ACER3: variants seen among roughly 807,000 people sequenced by gnomAD.
The protein encoded by ACER3 is alkCDase 3.
In ACER3, 16 loss-of-function variants were observed where a neutral mutation model predicts 48.9. The ratio of observed to expected loss-of-function variants is 0.33; its 90% CI spans 0.22 to 0.50. The LOEUF is 0.50. ACER3 is among the 20% of genes least tolerant of loss of function. The pLI is 0.98. For missense variants in ACER3, 227 were observed against 326.0 expected, an observed-to-expected ratio of 0.70 and a Z score of 2.34; for synonymous variants, 109 against 107.8, an observed-to-expected ratio of 1.01 and a Z score of -0.07.
intron 1 of ACER3, among the ~76,000 whole-genome samples, chr11:76,873,054 A>C (rs1460097229): frequency 6.7e-6 from 1 of 150,338 alleles, no homozygotes; most frequent in African/African-American, 2.4e-5. Context: ...TAGCACTACA[A>C]GTGTCTGCCA....
chr11:76,944,330 A>G (rs1947423178), intron 2 of ACER3, among the ~76,000 whole-genome samples: 2 of 151,916 alleles, frequency 1.3e-5, no homozygotes, highest in African/African-American at 4.8e-5. Flanking sequence ...TGTTTTCAGG[A>G]TGGTGGTTAT....
At chr11:76,887,811 CTTT>C (rs67954212) in intron 1 of ACER3, among the ~76,000 whole-genome samples, 86 of 87,190 alleles carry the variant, frequency 9.9e-4, no homozygotes, top group South Asian at 1.7e-3. Context: ...CTATAGGTAA[CTTT>C]TTTTTTTTTT....
At chr11:76,960,601 T>A (rs1176435894) in intron 3 of ACER3, among the ~76,000 whole-genome samples, 1 of 152,164 alleles carries the variant, frequency 6.6e-6, no homozygotes, top group Non-Finnish European at 1.5e-5. Context: ...CATTGGAGTG[T>A]CAAAACCTGA....
chr11:76,932,388 T>C (rs1947029789), intron 2 of ACER3, among the ~76,000 whole-genome samples: 1 of 152,238 alleles, frequency 6.6e-6, no homozygotes, highest in South Asian at 2.1e-4. Context: ...TACCTTAGAT[T>C]ATTTATTAGA....
intron 1 of ACER3, among the ~76,000 whole-genome samples, chr11:76,869,741 A>G (rs1175609889): frequency 6.6e-6 from 1 of 152,188 alleles, no homozygotes; most frequent in Non-Finnish European, 1.5e-5. Context: ...ACCATACAGT[A>G]CTTGTCTTTT....
chr11:76,936,641 C>G (rs1483776998), intron 2 of ACER3, among the ~76,000 whole-genome samples: 1 of 151,198 alleles, frequency 6.6e-6, no homozygotes, highest in African/African-American at 2.4e-5. Context: ...AACTCAAAAG[C>G]AAAAGGCCAC....
intron 1 of ACER3, among the ~76,000 whole-genome samples, chr11:76,910,740 A>G (rs1331788897): frequency 1.3e-5 from 2 of 152,216 alleles, no homozygotes; most frequent in African/African-American, 4.8e-5. Context: ...TATATTGTTC[A>G]ATGTTACTGA....
At chr11:76,920,322 G>A (rs969332622) in intron 1 of ACER3, among the ~76,000 whole-genome samples, 3 of 152,172 alleles carry the variant, frequency 2.0e-5, no homozygotes, top group South Asian at 2.1e-4. Context: ...GCACCCTAGA[G>A]GGCAGAGTTC....
At chr11:76,941,039 A>ACG (rs56207128) in intron 2 of ACER3, among the ~76,000 whole-genome samples, 2 of 136,838 alleles carry the variant, frequency 1.5e-5, no homozygotes, top group Non-Finnish European at 3.0e-5. Flanking sequence ...ACACACACAC[A>ACG]CGCACACACA....
chr11:76,880,661 G>A (rs189500570), intron 1 of ACER3, among the ~76,000 whole-genome samples: 3 of 152,258 alleles, frequency 2.0e-5, no homozygotes, highest in East Asian at 3.9e-4. Flanking sequence ...CTGAAATGGG[G>A]GTCTTGTGAT....
chr11:76,910,179 CG>C (rs1270805499), intron 1 of ACER3, among the ~76,000 whole-genome samples: 3 of 151,760 alleles, frequency 2.0e-5, no homozygotes, highest in Non-Finnish European at 4.4e-5. Context: ...TGTAGATGAC[CG>C]GTTGATAGGT....
intron 1 of ACER3, among the ~76,000 whole-genome samples, chr11:76,871,827 A>T (rs1012922581): frequency 6.6e-6 from 1 of 152,144 alleles, no homozygotes; most frequent in African/African-American, 2.4e-5. Flanking sequence ...CAAAAAATAT[A>T]TTTTGGGTAA....
chr11:76,909,325 G>A (rs1347084453), intron 1 of ACER3, among the ~76,000 whole-genome samples: 1 of 152,104 alleles, frequency 6.6e-6, no homozygotes, highest in East Asian at 1.9e-4. Flanking sequence ...TATCATCAGA[G>A]TGAACAGGCA....
intron 1 of ACER3, among the ~76,000 whole-genome samples, chr11:76,921,381 G>A (rs1391948852): frequency 6.6e-6 from 1 of 152,126 alleles, no homozygotes; most frequent in Non-Finnish European, 1.5e-5. Context: ...CTCCCATCTG[G>A]AATTTATTTT....
chr11:76,919,459 G>A (rs10899313), intron 1 of ACER3, among the ~76,000 whole-genome samples: 89,766 of 151,990 alleles, frequency 0.59, 28,858 homozygotes, highest in Non-Finnish European at 0.74. Flanking sequence ...TTACTGTAAC[G>A]TCAGTCTTGC....
chr11:76,974,452 A>G (rs895322453), intron 3 of ACER3, among the ~76,000 whole-genome samples: 9 of 152,204 alleles, frequency 5.9e-5, no homozygotes, highest in Non-Finnish European at 1.0e-4. Context: ...AAAGAAAAAA[A>G]TCTTTCAATT....
At chr11:76,907,595 G>A (rs535909599) in intron 1 of ACER3, among the ~76,000 whole-genome samples, 1 of 152,232 alleles carries the variant, frequency 6.6e-6, no homozygotes, top group Admixed American at 6.5e-5. Flanking sequence ...ATAAAGCCGG[G>A]CACAGTGGCT....
intron 2 of ACER3, among the ~76,000 whole-genome samples, chr11:76,938,081 C>T (rs1371138221): frequency 1.3e-5 from 2 of 152,114 alleles, no homozygotes; most frequent in Non-Finnish European, 2.9e-5. Flanking sequence ...GTGGTGCAAT[C>T]ACGGCTCTCT....
At chr11:76,888,915 T>G (rs1460946469) in intron 1 of ACER3, among the ~76,000 whole-genome samples, 1 of 152,246 alleles carries the variant, frequency 6.6e-6, no homozygotes, top group Non-Finnish European at 1.5e-5. Context: ...ACTTTAGATA[T>G]CTGTGTTTCA....
Sources: allele counts gnomAD v4.1 joint callset (sites outside exome capture counted in the v4.1 genomes callset), GRCh38; gene constraint gnomAD v4.1.1; transcripts MANE v1.5; gene names NCBI Gene and HGNC (gene_info 2026-07-23, HGNC 2026-07-21).